Variants in MYLK observed in about 807,000 individuals in gnomAD.
MYLK encodes myosin light chain kinase.
Under a neutral mutation model 203.4 loss-of-function variants are expected in MYLK, and 106 were observed. That is an observed-to-expected ratio of 0.52 (90% CI 0.45 to 0.61). The LOEUF is 0.61. MYLK is among the 20% of genes least tolerant of loss of function. The pLI is 0.00. For missense variants in MYLK, 2,072 were observed against 2,442.3 expected (o/e 0.85, Z 3.20); for synonymous variants, 867 against 959.5 (o/e 0.90, Z 1.78).
chr3:123,724,705 G>C (rs1465206069), intron 12 of MYLK, among the ~76,000 whole-genome samples: 51 of 151,374 alleles, frequency 3.4e-4, no homozygotes, highest in Non-Finnish European at 2.9e-4. Context: ...TGGTGCATAA[G>C]TGTTGGGGAC....
chr3:123,685,077 G>A (rs1340190450), intron 19 of MYLK, among the ~76,000 whole-genome samples: 1 of 152,220 alleles, frequency 6.6e-6, no homozygotes, highest in Non-Finnish European at 1.5e-5. Context: ...TCATGGGGTT[G>A]TGTTGGGCTT....
At chr3:123,739,477 C>T (rs1022483000) in intron 6 of MYLK, among the ~76,000 whole-genome samples, 32 of 152,296 alleles carry the variant, frequency 2.1e-4, no homozygotes, top group African/African-American at 7.5e-4. Flanking sequence ...GGCTCAAGGG[C>T]CTAGGAGATG....
chr3:123,748,586 T>C (rs2063092813), intron 5 of MYLK, among the ~76,000 whole-genome samples: 1 of 152,212 alleles, frequency 6.6e-6, no homozygotes, highest in African/African-American at 2.4e-5. Context: ...ATCCCAGATG[T>C]TGAAGAATGT....
rs762727464 is a variant in MYLK at position 123,647,275 on chromosome 3, T to C, written c.4568A>G (p.Gln1523Arg). The change falls in exon 27 of 34, where the codon CAG (glutamine) becomes CGG (arginine). Residue 1523 changes from glutamine to arginine, a missense_variant. Physicochemically the swap from Gln to Arg is conservative, Grantham distance 43. This residue lies in a region of MYLK where 524 missense variants were observed against 782.4 expected (regional missense o/e 0.67). Coordinates refer to ENST00000360304, the MANE Select transcript of MYLK (RefSeq NM_053025.4). Reference sequence around the variant, plus strand: ...CTTTTCTTCAAAGGCATCCACACACTGGACCAGCTTAGGGTGGTGGAGGCA... The same window carrying C: ...CTTTTCTTCAAAGGCATCCACACACCGGACCAGCTTAGGGTGGTGGAGGCA... ...MNCLHHPKLV[Q>R]CVDAFEEKAN... is the part of the protein sequence containing the mutation. The C allele has an allele frequency of 6.2e-7, 1 of 1,614,126 alleles. No individual in the cohort carries two copies. The highest frequency in any genetic ancestry group is 1.3e-5 in the African/African-American group (1 of 74,944).
chr3:123,680,190 G>C (rs1051100773), intron 20 of MYLK, among the ~76,000 whole-genome samples: 1 of 152,134 alleles, frequency 6.6e-6, no homozygotes, highest in Non-Finnish European at 1.5e-5. Context: ...CTGTTCTCAG[G>C]GCAGAGAGCC....
intron 3 of MYLK, chr3:123,800,116 A>G (rs2065144550): frequency 6.6e-6 from 1 of 151,728 alleles, no homozygotes; most frequent in African/African-American, 2.4e-5. Flanking sequence ...GACCTTTGAA[A>G]CCTCTGGCTG....
chr3:123,705,255 C>T (rs887520166), intron 16 of MYLK, among the ~76,000 whole-genome samples: 1 of 152,198 alleles, frequency 6.6e-6, no homozygotes, highest in African/African-American at 2.4e-5. Flanking sequence ...CCTCAGGAAA[C>T]TCTCCACTGA....
At chr3:123,690,153 G>A (rs1398190620) in intron 19 of MYLK, among the ~76,000 whole-genome samples, 1 of 152,220 alleles carries the variant, frequency 6.6e-6, no homozygotes, top group Non-Finnish European at 1.5e-5. Context: ...GCCTAGTGGA[G>A]ATGGACCTCA....
chr3:123,710,546 A>G (rs539901623), intron 13 of MYLK, among the ~76,000 whole-genome samples: 2 of 152,358 alleles, frequency 1.3e-5, no homozygotes, highest in Admixed American at 1.3e-4. Flanking sequence ...TACACTCATT[A>G]GAATGGCTAA....
chr3:123,731,626 A>T (rs1054049547), intron 11 of MYLK, among the ~76,000 whole-genome samples: 21 of 152,200 alleles, frequency 1.4e-4, no homozygotes, highest in African/African-American at 5.1e-4. Context: ...GTGAATTCCT[A>T]TGTACCCATC....
chr3:123,850,086 T>C (rs1050389470), intron 2 of MYLK, among the ~76,000 whole-genome samples: 1 of 152,246 alleles, frequency 6.6e-6, no homozygotes, highest in African/African-American at 2.4e-5. Flanking sequence ...TCCTTTTTTA[T>C]GGCTGCATAG....
chr3:123,794,032 G>A, intron 3 of MYLK, 188 bp from the exon 4 acceptor site: 1 of 679,592 alleles, frequency 1.5e-6, no homozygotes, highest in Non-Finnish European at 2.6e-6. Flanking sequence ...CAAAGTGCCA[G>A]GACAAGGCAG....
chr3:123,612,560 T>TAA lies in MYLK; in HGVS notation c.*1543_*1544dup, dbSNP rs2057273848. The TAA allele has an allele frequency of 6.6e-6, 1 of 152,624 alleles. No homozygotes were observed. Among genetic ancestry groups the TAA allele is most frequent in the East Asian group, 1.9e-4 (1 of 5,204 alleles). The allele number at this position is 152,624 out of a possible 1,614,324, so 9.5% of individuals were successfully genotyped here. Reference sequence around the variant, plus strand: ...ATCAAATAAAAACCCTTTATTATAATAAACTGTGGCAATACTGTGGCTATC... The same window carrying TAA: ...ATCAAATAAAAACCCTTTATTATAATAAAAACTGTGGCAATACTGTGGCTATC... On this transcript the variant is annotated 3_prime_UTR_variant, in exon 34 of 34. Coordinates refer to ENST00000360304, the MANE Select transcript of MYLK (RefSeq NM_053025.4).
intron 20 of MYLK, among the ~76,000 whole-genome samples, chr3:123,669,432 T>C (rs1357095982): frequency 1.3e-5 from 2 of 152,066 alleles, no homozygotes; most frequent in African/African-American, 4.8e-5. Flanking sequence ...GCTTTTTTTT[T>C]TTTTTCTTTT....
intron 4 of MYLK, among the ~76,000 whole-genome samples, chr3:123,770,329 TA>T (rs922212609): frequency 6.6e-6 from 1 of 151,936 alleles, no homozygotes; most frequent in Non-Finnish European, 1.5e-5. Context: ...TTTCTCAAAA[TA>T]AAATAAAACA....
chr3:123,735,422 A>G lies in MYLK; in HGVS notation c.755-6T>C, dbSNP rs1576786967. On this transcript the variant is annotated splice_polypyrimidine_tract_variant and splice_region_variant and intron_variant, in intron 8 of 33. Coordinates refer to ENST00000360304, the MANE Select transcript of MYLK (RefSeq NM_053025.4). ...CCTATTGGCACTGTCCAAACCTGGA[A>G]AAAGGGGGAAGGGTGGAAAGACTGT... 5 of 1,614,116 alleles carry G rather than the reference A, an allele frequency of 3.1e-6. No homozygotes were observed. The highest frequency in any genetic ancestry group is 4.2e-6 in the Non-Finnish European group (5 of 1,179,976).
At chr3:123,704,380 T>TTACA (rs2061369111) in intron 16 of MYLK, among the ~76,000 whole-genome samples, 1 of 152,178 alleles carries the variant, frequency 6.6e-6, no homozygotes, top group South Asian at 2.1e-4. Flanking sequence ...CATCTGCACA[T>TTACA]AACCAGTTAC....
At chr3:123,718,666 C>G (rs1024267839) in intron 13 of MYLK, among the ~76,000 whole-genome samples, 4 of 152,134 alleles carry the variant, frequency 2.6e-5, no homozygotes, top group African/African-American at 9.7e-5. Context: ...TTCCTCACAG[C>G]ACTAAAGATA....
In MYLK at chr3:123,682,248, G is replaced by A. The variant is rs1343423625; in HGVS notation, c.3628C>T (p.Leu1210Phe). ...EMKSRRPKSS[L>F]PPVLGTESDA... ...CTCTCAGTTCCTAGCACGGGAGGAA[G>A]AGAGCTCTTGGGCCTCCGGGATTTC... Residue 1210 changes from leucine (L) to phenylalanine (F), a missense_variant, in exon 20 of 34, where the codon CTT becomes TTT. By Grantham distance (22) the Leu-to-Phe change is conservative. This residue lies in a region of MYLK where 865 missense variants were observed against 1,016.0 expected (regional missense o/e 0.85). Transcript: ENST00000360304. The A allele has an allele frequency of 6.2e-7, 1 of 1,603,302 alleles. No individual in the cohort carries two copies. Among genetic ancestry groups the A allele is most frequent in the South Asian group, 1.1e-5 (1 of 88,148 alleles).
Sources: gnomAD v4.1 joint callset for allele counts (sites outside exome capture counted in the v4.1 genomes callset) on GRCh38, gnomAD v4.1.1 for gene constraint, gnomAD v4.1.1 regional missense constraint, MANE v1.5 for transcripts, NCBI Gene and HGNC (gene_info 2026-07-23, HGNC 2026-07-21) for gene names.